Variants in KIAA1671 observed in about 807,000 individuals in gnomAD.
KIAA1671 encodes the protein KIAA1671.
KIAA1671 carries 52 observed loss-of-function variants against 131.2 expected under a neutral mutation model. The observed-to-expected ratio is 0.40, with a 90% confidence interval of 0.32 to 0.50. KIAA1671 has a LOEUF of 0.50. Ranked by LOEUF, KIAA1671 falls within the 20% of genes least tolerant of loss-of-function variation. KIAA1671 has a pLI of 0.73. For missense variants in KIAA1671, 2,360 were observed against 2,364.2 expected (o/e 1.00, Z 0.04); for synonymous variants, 1,003 against 961.6 (o/e 1.04, Z -0.80).
chr22:25,007,440 C>T lies in KIAA1671; in HGVS notation c.-207-18193C>T, dbSNP rs556346980. ...GGTGGAGGTTGCAGTGAGCCGAGATCACGCCATGGCACTCCAGCCTGGTGA... is the reference window on the plus strand; with the variant it reads ...GGTGGAGGTTGCAGTGAGCCGAGATTACGCCATGGCACTCCAGCCTGGTGA... On this transcript the variant is annotated intron_variant, in intron 1 of 12. Coordinates refer to ENST00000358431, the MANE Select transcript of KIAA1671 (RefSeq NM_001145206.2). Among the ~76,000 whole-genome samples the T allele has an allele frequency of 4.8e-4, 72 of 151,296 alleles. 1 individual carries two copies. The South Asian group carries it at 7.0e-3, about 15-fold the overall frequency.
intron 7 of KIAA1671, among the ~76,000 whole-genome samples, chr22:25,171,159 G>A (rs1376254805): frequency 1.3e-5 from 2 of 152,196 alleles, no homozygotes; most frequent in African/African-American, 2.4e-5. Flanking sequence ...CAGCACTTTG[G>A]GAGGCTGAGG....
intron 11 of KIAA1671, chr22:25,185,440 C>G (rs551346139): frequency 3.6e-6 from 1 of 274,996 alleles, no homozygotes; most frequent in East Asian, 6.8e-5. Context: ...GATGGGGAAA[C>G]TGAGGCATTC....
chr22:25,104,967 T>TTGAA (rs1385547716), intron 6 of KIAA1671, among the ~76,000 whole-genome samples: 2 of 152,158 alleles, frequency 1.3e-5, no homozygotes, highest in Admixed American at 1.3e-4. Flanking sequence ...GGAATGTTTG[T>TTGAA]TGAATGAATG....
At chr22:25,034,087 C>T (rs1406521289) in intron 4 of KIAA1671, among the ~76,000 whole-genome samples, 1 of 149,906 alleles carries the variant, frequency 6.7e-6, no homozygotes, top group African/African-American at 2.5e-5. Flanking sequence ...TGCTTGTTGC[C>T]CAGGCTAGAG....
At chr22:25,128,569 A>G (rs1163702538) in intron 6 of KIAA1671, among the ~76,000 whole-genome samples, 1 of 152,154 alleles carries the variant, frequency 6.6e-6, no homozygotes, top group Non-Finnish European at 1.5e-5. Context: ...GTCCAGTCTC[A>G]AGAACTCAAT....
chr22:24,965,617 G>A (rs1290335155), intron 1 of KIAA1671, among the ~76,000 whole-genome samples: 1 of 151,788 alleles, frequency 6.6e-6, no homozygotes, highest in Non-Finnish European at 1.5e-5. Context: ...GGCGACACCT[G>A]TAATCCCAGC....
Position 25,101,798 on chromosome 22 carries a change from A to T in KIAA1671, c.4530+52434A>T, listed in dbSNP as rs369167737. On this transcript the variant is annotated intron_variant, in intron 6 of 12. Coordinates refer to ENST00000358431, the MANE Select transcript of KIAA1671 (RefSeq NM_001145206.2). ...TGGGTACGATGAGAGCCTCTTCAGG[A>T]TGTTGAGTGTCAAGGGTGGACAGGA... Among the ~76,000 whole-genome samples, 225 of 152,230 alleles carry T rather than the reference A, an allele frequency of 1.5e-3. 4 individuals carry two copies. In the South Asian group the frequency reaches 0.033, roughly 22 times the overall value.
intron 6 of KIAA1671, among the ~76,000 whole-genome samples, chr22:25,163,731 C>T (rs1302575219): frequency 6.6e-6 from 1 of 152,028 alleles, no homozygotes; most frequent in East Asian, 1.9e-4. Context: ...AGCCACCACG[C>T]CCGGCCATTC....
At chr22:25,002,027 C>T (rs1045412440) in intron 1 of KIAA1671, among the ~76,000 whole-genome samples, 2 of 151,980 alleles carry the variant, frequency 1.3e-5, no homozygotes, top group Admixed American at 6.6e-5. Flanking sequence ...ATCAGGAACT[C>T]CAAGTTCTAG....
intron 6 of KIAA1671, among the ~76,000 whole-genome samples, chr22:25,157,797 A>G (rs557202593): frequency 6.9e-6 from 1 of 145,348 alleles, no homozygotes; most frequent in East Asian, 1.9e-4. Flanking sequence ...CACACTGCAC[A>G]TAGTTTTTTT....
rs1002394386 is a variant in KIAA1671 at position 25,040,223 on chromosome 22, C to G, written c.3093C>G (p.Thr1031=). The stretch of plus-strand genomic sequence containing the variant: ...CCAAGGCGACATTTTTTGCAGTCAC[C>G]TATCAGATTCCCAATACTCAAAAGG... ...VEPKATFFAV[T]YQIPNTQKAK... The change falls in exon 5 of 13, where the codon ACC becomes ACG. Residue 1031 remains threonine, a synonymous_variant. Coordinates refer to ENST00000358431, the MANE Select transcript of KIAA1671 (RefSeq NM_001145206.2). 9 of 1,551,706 alleles carry G rather than the reference C, an allele frequency of 5.8e-6. No individual in the cohort carries two copies. Among genetic ancestry groups the G allele is most frequent in the Non-Finnish European group, 7.8e-6 (9 of 1,147,010 alleles).
chr22:25,190,614 G>A, intron 11 of KIAA1671, 88 bp from the exon 12 acceptor site: 1 of 1,134,170 alleles, frequency 8.8e-7, no homozygotes, highest in Non-Finnish European at 1.3e-6. Context: ...CTGGGCCCAG[G>A]GATAGACAGT....
At chr22:25,122,835 CGTGATGG>C (rs1932006657) in intron 6 of KIAA1671, among the ~76,000 whole-genome samples, 2 of 152,060 alleles carry the variant, frequency 1.3e-5, no homozygotes, top group African/African-American at 4.8e-5. Flanking sequence ...ATTAGCCAGG[CGTGATGG>C]TGGGCGCCTG....
At chr22:25,125,074 A>G (rs907776175) in intron 6 of KIAA1671, among the ~76,000 whole-genome samples, 4 of 152,150 alleles carry the variant, frequency 2.6e-5, no homozygotes, top group Admixed American at 1.3e-4. Flanking sequence ...TTTCGTATTC[A>G]TGCAAAGTTA....
chr22:25,068,907 C>G (rs1269971783), intron 6 of KIAA1671, among the ~76,000 whole-genome samples: 5 of 152,210 alleles, frequency 3.3e-5, no homozygotes, highest in Admixed American at 3.3e-4. Context: ...CTGCCTGGTG[C>G]CTCTGTGAAC....
At chr22:25,152,121 G>C (rs534224280) in intron 6 of KIAA1671, among the ~76,000 whole-genome samples, 1 of 152,266 alleles carries the variant, frequency 6.6e-6, no homozygotes, top group Admixed American at 6.5e-5. Context: ...CTATTTTTCA[G>C]GTTACGCCCA....
intron 1 of KIAA1671, among the ~76,000 whole-genome samples, chr22:24,973,429 C>T (rs187138920): frequency 2.7e-4 from 32 of 117,386 alleles, no homozygotes; most frequent in East Asian, 1.7e-3. Context: ...GACGGAGTCT[C>T]GCTGTGTTGC....
At chr22:25,121,113 A>T (rs1172124830) in intron 6 of KIAA1671, among the ~76,000 whole-genome samples, 1 of 152,192 alleles carries the variant, frequency 6.6e-6, no homozygotes, top group Non-Finnish European at 1.5e-5. Context: ...CAGGAAGGAA[A>T]TCTGGATTGA....
At chr22:25,116,998 G>C (rs981966594) in intron 6 of KIAA1671, among the ~76,000 whole-genome samples, 1 of 152,132 alleles carries the variant, frequency 6.6e-6, no homozygotes, top group East Asian at 1.9e-4. Flanking sequence ...TTATGGCTGT[G>C]GGGGGTAAGG....
Sources: gnomAD v4.1 joint callset for allele counts (sites outside exome capture counted in the v4.1 genomes callset) on GRCh38, gnomAD v4.1.1 for gene constraint, MANE v1.5 for transcripts, NCBI Gene and HGNC (gene_info 2026-07-23, HGNC 2026-07-21) for gene names.